Variants in SIK2 observed in about 807,000 individuals in gnomAD.
SIK2 encodes salt inducible kinase 2, also known as serine/threonine-protein kinase SIK2.
Under a neutral mutation model 103.2 loss-of-function variants are expected in SIK2, and 29 were observed. That is an observed-to-expected ratio of 0.28 (90% CI 0.21 to 0.38). The LOEUF (loss-of-function observed/expected upper bound fraction) is 0.38, where lower values mean the gene tolerates loss of function less well. SIK2 is among the 10% of genes least tolerant of loss of function. The pLI, the probability that SIK2 is intolerant of heterozygous loss-of-function variation, is 1.00. For synonymous variants in SIK2, 412 were observed against 446.1 expected, an observed-to-expected ratio of 0.92 and a Z score of 0.96; for missense variants, 879 against 1,171.0, an observed-to-expected ratio of 0.75 and a Z score of 3.64.
intron 3 of SIK2, among the ~76,000 whole-genome samples, chr11:111,682,002 G>A (rs1942784005): frequency 6.6e-6 from 1 of 152,146 alleles, no homozygotes. Context: ...GTGTTAACAA[G>A]CCCTCTGAGG....
chr11:111,606,753 T>G (rs1209153082), intron 1 of SIK2, among the ~76,000 whole-genome samples: 1 of 152,080 alleles, frequency 6.6e-6, no homozygotes, highest in Non-Finnish European at 1.5e-5. Context: ...AAGGTATTAT[T>G]TTTACATTAA....
intron 1 of SIK2, among the ~76,000 whole-genome samples, chr11:111,612,500 T>A (rs980377527): frequency 6.6e-6 from 1 of 152,218 alleles, no homozygotes; most frequent in African/African-American, 2.4e-5. Context: ...CTGGACTGTT[T>A]CTATGCCACC....
At chr11:111,703,015 G>T (rs1943253304) in intron 6 of SIK2, among the ~76,000 whole-genome samples, 188 bp from the exon 7 acceptor site, 2 of 152,084 alleles carry the variant, frequency 1.3e-5, no homozygotes, top group African/African-American at 4.8e-5. Context: ...TTTTTCTTAG[G>T]TATTTGTTCA....
intron 4 of SIK2, among the ~76,000 whole-genome samples, chr11:111,699,698 A>C (rs1452995334): frequency 6.6e-6 from 1 of 152,198 alleles, no homozygotes; most frequent in East Asian, 1.9e-4. Context: ...GCTTTGCCTA[A>C]GGTGCACATG....
chr11:111,630,165 GCAA>G (rs1181737284), intron 3 of SIK2, among the ~76,000 whole-genome samples: 11 of 152,130 alleles, frequency 7.2e-5, no homozygotes, highest in Non-Finnish European at 7.4e-5. Context: ...ATTTATGCAT[GCAA>G]CAACATGCAT....
chr11:111,673,010 C>T (rs1322177171), intron 3 of SIK2, among the ~76,000 whole-genome samples: 1 of 152,158 alleles, frequency 6.6e-6, no homozygotes, highest in Non-Finnish European at 1.5e-5. Context: ...GATTGGAAAC[C>T]CATGCTAATC....
intron 1 of SIK2, among the ~76,000 whole-genome samples, chr11:111,606,997 A>T (rs1049998968): frequency 1.3e-5 from 2 of 151,658 alleles, no homozygotes; most frequent in Non-Finnish European, 2.9e-5. Flanking sequence ...AGAATTCCCC[A>T]TAAAATCACA....
At position 111,602,766 on chromosome 11, in the gene SIK2, G is replaced by T; in HGVS notation, c.135+68G>T. 1 of 1,422,638 alleles carries T rather than the reference G, an allele frequency of 7.0e-7. No individual in the cohort carries two copies. The highest frequency in any genetic ancestry group is 9.2e-7 in the Non-Finnish European group (1 of 1,090,010). The allele number at this position is 1,422,638 out of a possible 1,614,324, so 88.1% of individuals were successfully genotyped here. A position where few individuals can be genotyped will look rare whatever the true frequency, so the allele number is the denominator to read the frequency against. ...GGGAGAGGAGCTGCTTACCGAGAGGGGCGGCCGCAGTGGTGGGACCGGGGA... is the reference window on the plus strand; with the variant it reads ...GGGAGAGGAGCTGCTTACCGAGAGGTGCGGCCGCAGTGGTGGGACCGGGGA... On this transcript the variant is annotated intron_variant, in intron 1 of 14. Coordinates refer to ENST00000304987, the MANE Select transcript of SIK2 (RefSeq NM_015191.3). This position sits in a 1 kb window ranked among gnomAD's most constrained non-coding sequence, Gnocchi z 4.5.
intron 3 of SIK2, among the ~76,000 whole-genome samples, chr11:111,658,557 A>G (rs1942425370): frequency 6.6e-6 from 1 of 152,180 alleles, no homozygotes; most frequent in South Asian, 2.1e-4. Context: ...AGCCTGGGCA[A>G]CATGGCAAAA....
At chr11:111,712,189 T>A in intron 8 of SIK2, 22 bp from the exon 9 acceptor site, 1 of 1,610,472 alleles carries the variant, frequency 6.2e-7, no homozygotes, top group African/African-American at 1.3e-5. Flanking sequence ...TCCCAAACTG[T>A]CTGTTCTTGC....
intron 3 of SIK2, among the ~76,000 whole-genome samples, chr11:111,629,800 T>C (rs1387466974): frequency 6.6e-6 from 1 of 152,138 alleles, no homozygotes; most frequent in Admixed American, 6.5e-5. Context: ...CTGATTAAAA[T>C]TGAAAAAACT....
Position 111,688,289 on chromosome 11 carries a change from C to T in SIK2, c.478+127C>T. ...GATGACATCAGGCTATCTCAAAGTC[C>T]ATTTTATTCATTTCCTTAGTTCTGT... On this transcript the variant is annotated intron_variant, in intron 4 of 14. Coordinates refer to ENST00000304987, the MANE Select transcript of SIK2 (RefSeq NM_015191.3). This position sits in a 1 kb window ranked among gnomAD's most constrained non-coding sequence, Gnocchi z 4.2. 1.2e-6 allele frequency: 1 copy of T among 849,290 alleles called. No homozygotes were observed. The highest frequency in any genetic ancestry group is 1.8e-6 in the Non-Finnish European group (1 of 544,004). 52.6% of individuals were successfully genotyped at this position (849,290 alleles called of 1,614,324 possible). A position where few individuals can be genotyped will look rare whatever the true frequency, so the allele number is the denominator to read the frequency against.
rs1039802181 is a variant in SIK2, at chr11:111,712,478, T to TA, written c.1266+105dup. On this transcript the variant is annotated intron_variant, in intron 9 of 14. Transcript: ENST00000304987. ...GCTTTATTGAACTTTATCATTTCGT[T>TA]AAGTCACTCAGGAGTGATGCTTTTG... The TA allele has an allele frequency of 2.4e-6, 3 of 1,257,428 alleles. No individual in the cohort carries two copies. The African/African-American group carries it at 4.5e-5, about 19-fold the overall frequency. The allele number at this position is 1,257,428 out of a possible 1,614,324, so 77.9% of individuals were successfully genotyped here. A position where few individuals can be genotyped will look rare whatever the true frequency, so the allele number is the denominator to read the frequency against.
intron 2 of SIK2, among the ~76,000 whole-genome samples, chr11:111,617,566 G>T (rs1399742261): frequency 6.6e-6 from 1 of 152,158 alleles, no homozygotes; most frequent in African/African-American, 2.4e-5. Context: ...TTGGTAGGAA[G>T]ATTTACATCA....
intron 3 of SIK2, among the ~76,000 whole-genome samples, chr11:111,637,640 T>C (rs1942127742): frequency 6.6e-6 from 1 of 151,796 alleles, no homozygotes; most frequent in South Asian, 2.1e-4. Flanking sequence ...TTTTGTACTT[T>C]CAGTAAAGAC....
chr11:111,620,638 T>C (rs539532222), intron 3 of SIK2, among the ~76,000 whole-genome samples: 2 of 152,312 alleles, frequency 1.3e-5, no homozygotes, highest in South Asian at 4.1e-4. Flanking sequence ...ATCAAACATA[T>C]GGAGGAACTT....
chr11:111,635,664 T>A (rs1942100368), intron 3 of SIK2, among the ~76,000 whole-genome samples: 1 of 152,252 alleles, frequency 6.6e-6, no homozygotes, highest in East Asian at 1.9e-4. Context: ...TTTTTAAACT[T>A]CATATGTTTG....
At chr11:111,647,153 A>G (rs1050537666) in intron 3 of SIK2, among the ~76,000 whole-genome samples, 3 of 152,216 alleles carry the variant, frequency 2.0e-5, no homozygotes, top group African/African-American at 7.2e-5. Flanking sequence ...TAAACATGCC[A>G]TAATGTATTT....
chr11:111,680,121 CA>C (rs796715615), intron 3 of SIK2, among the ~76,000 whole-genome samples: 100 of 133,542 alleles, frequency 7.5e-4, no homozygotes, highest in Non-Finnish European at 6.2e-4. Context: ...GACTCCATCT[CA>C]AAAAAAAAAA....
Sources: gnomAD v4.1 joint callset for allele counts (sites outside exome capture counted in the v4.1 genomes callset) on GRCh38, gnomAD v4.1.1 for gene constraint, Gnocchi (gnomAD v3.1) non-coding constraint, MANE v1.5 for transcripts, NCBI Gene and HGNC (gene_info 2026-07-23, HGNC 2026-07-21) for gene names.